RIBC2: variants seen among roughly 807,000 people sequenced by gnomAD.
The protein encoded by RIBC2 is RIB43A domain with coiled-coils 2, also known as RIB43A-like with coiled-coils protein 2.
In RIBC2, 40 loss-of-function variants were observed where a neutral mutation model predicts 44.3. The observed-to-expected ratio is 0.90, with a 90% CI of 0.70 to 1.18. The LOEUF (loss-of-function observed/expected upper bound fraction) is 1.18. RIBC2 is among the 50% of genes most tolerant of loss of function. The pLI is 0.00. For synonymous variants in RIBC2, 171 were observed against 175.0 expected, an observed-to-expected ratio of 0.98 and a Z score of 0.18; for missense variants, 459 against 485.5, an observed-to-expected ratio of 0.95 and a Z score of 0.51.
At chr22:45,425,149 A>C (rs1274266542) in intron 4 of RIBC2, among the ~76,000 whole-genome samples, 1 of 152,120 alleles carries the variant, frequency 6.6e-6, no homozygotes, top group African/African-American at 2.4e-5. Context: ...ACAAACAAAA[A>C]AAAACGGGTG....
chr22:45,418,910 C>T (rs752781141), intron 3 of RIBC2, among the ~76,000 whole-genome samples: 2 of 152,166 alleles, frequency 1.3e-5, no homozygotes, highest in Non-Finnish European at 2.9e-5. Flanking sequence ...ACCTCCATGT[C>T]GCCCAATCCA....
chr22:45,415,212 A>G (rs76473628), intron 2 of RIBC2, among the ~76,000 whole-genome samples: 1 of 151,960 alleles, frequency 6.6e-6, no homozygotes, highest in African/African-American at 2.4e-5. Flanking sequence ...AAAAAAAAAA[A>G]AAAGAAATTT....
At chr22:45,427,103 C>T (rs1008744698) in intron 5 of RIBC2, among the ~76,000 whole-genome samples, 21 of 152,190 alleles carry the variant, frequency 1.4e-4, no homozygotes, top group Non-Finnish European at 2.4e-4. Flanking sequence ...CATTAGATAT[C>T]TGTATCTATT....
intron 5 of RIBC2, among the ~76,000 whole-genome samples, chr22:45,427,083 G>T (rs755358105): frequency 7.2e-5 from 11 of 152,204 alleles, no homozygotes; most frequent in African/African-American, 2.7e-4. Context: ...TACGTCAAGT[G>T]TGCAAAGTCC....
intron 2 of RIBC2, 23 bp downstream of exon 2, chr22:45,414,426 T>A (rs1343630512): frequency 8.0e-6 from 12 of 1,500,222 alleles, no homozygotes; most frequent in Non-Finnish European, 1.1e-5. Flanking sequence ...TGAATGCTTA[T>A]CTATTGGTTT....
chr22:45,431,897 CA>C (rs1199078260), intron 6 of RIBC2, among the ~76,000 whole-genome samples: 3 of 152,180 alleles, frequency 2.0e-5, no homozygotes, highest in Non-Finnish European at 4.4e-5. Context: ...GGCCTGAGCC[CA>C]GGGGCTGGAG....
intron 5 of RIBC2, among the ~76,000 whole-genome samples, chr22:45,427,230 T>A (rs982803213): frequency 6.6e-6 from 1 of 152,256 alleles, no homozygotes; most frequent in Admixed American, 6.5e-5. Context: ...AGGGCTGGTA[T>A]GGCAGCTCTG....
At chr22:45,425,428 T>C (rs2087524992) in intron 4 of RIBC2, among the ~76,000 whole-genome samples, 1 of 152,204 alleles carries the variant, frequency 6.6e-6, no homozygotes, top group African/African-American at 2.4e-5. Context: ...TGACTTGGTA[T>C]AGGCCACATA....
chr22:45,414,210 T>G (rs1200279783), intron 1 of RIBC2, 112 bp from the exon 2 acceptor site: 15 of 1,484,524 alleles, frequency 1.0e-5, no homozygotes, highest in Non-Finnish European at 1.3e-5. Context: ...AGCCAGATTT[T>G]CTACAACTCG....
At chr22:45,429,044 C>T (rs1414800641) in intron 5 of RIBC2, among the ~76,000 whole-genome samples, 18 of 152,164 alleles carry the variant, frequency 1.2e-4, no homozygotes, top group Admixed American at 1.2e-3. Flanking sequence ...CTGGAGGTCA[C>T]ACTTTGCGGG....
chr22:45,421,547 A>ATAATAGTATTATTAT lies in RIBC2; in HGVS notation c.557-738_557-737insGTATTATTATTAATA, dbSNP rs1569208889. On this transcript the variant is annotated intron_variant, in intron 3 of 6. Coordinates refer to ENST00000614167, the MANE Select transcript of RIBC2 (RefSeq NM_015653.5). ...AATAATAGTATTATTAATAATATTA[A>ATAATAGTATTATTAT]TAATAATAATAGTATTATTAATAAT... is the stretch of plus-strand genomic sequence containing the variant. 1.4e-3 allele frequency among the ~76,000 whole-genome samples: 36 copies of ATAATAGTATTATTAT among 24,986 alleles called. 1 individual carries two copies. In the African/African-American group the frequency reaches 0.017, roughly 12 times the overall value. The allele number at this position is 24,986 out of a possible 152,430, so 16.4% of individuals were successfully genotyped here.
chr22:45,427,753 G>C (rs1308688937), intron 5 of RIBC2, among the ~76,000 whole-genome samples: 1 of 152,210 alleles, frequency 6.6e-6, no homozygotes, highest in Non-Finnish European at 1.5e-5. Context: ...TCCTGCCTCA[G>C]CCTCCCCAGT....
intron 4 of RIBC2, among the ~76,000 whole-genome samples, chr22:45,424,670 C>G (rs1297577314): frequency 6.6e-6 from 1 of 152,020 alleles, no homozygotes; most frequent in Admixed American, 6.6e-5. Flanking sequence ...AGGATCCCTG[C>G]AGGAGGAGGG....
intron 2 of RIBC2, among the ~76,000 whole-genome samples, chr22:45,417,332 G>A (rs2087434553): frequency 1.3e-5 from 2 of 152,070 alleles, no homozygotes; most frequent in South Asian, 4.1e-4. Flanking sequence ...TTTAATGGCT[G>A]TGTTACTTTT....
At chr22:45,419,315 A>G (rs1247606405) in intron 3 of RIBC2, among the ~76,000 whole-genome samples, 1 of 152,094 alleles carries the variant, frequency 6.6e-6, no homozygotes, top group Non-Finnish European at 1.5e-5. Context: ...TTCTACCCAC[A>G]TCCGTGACAG....
At position 45,431,050 on chromosome 22, in the gene RIBC2, A is replaced by G. The variant is rs1409856076; in HGVS notation, c.1054A>G (p.Lys352Glu). Residue 352 changes from lysine to glutamate, a missense_variant, in exon 6 of 7, where the codon AAG (lysine) becomes GAG (glutamate). Physicochemically the swap from Lys to Glu is moderately conservative, Grantham distance 56. Transcript: ENST00000614167. ...ALDSSNLSLA[K>E]EQHLQKKYMN... ...GGACAGCAGCAACCTCAGCCTGGCC[A>G]AGGAGCAGCATTTGCAGTGAGTGCT... 3 of 1,576,542 alleles carry G rather than the reference A, an allele frequency of 1.9e-6. No individual in the cohort carries two copies. Among genetic ancestry groups the G allele is most frequent in the South Asian group, 2.3e-5 (2 of 86,214 alleles).
At chr22:45,416,830 C>T (rs2087429513) in intron 2 of RIBC2, among the ~76,000 whole-genome samples, 1 of 151,662 alleles carries the variant, frequency 6.6e-6, no homozygotes, top group Non-Finnish European at 1.5e-5. Context: ...AATATTTTGC[C>T]TTCGATTCAT....
Position 45,417,640 on chromosome 22 carries a change from T to C in RIBC2, c.250T>C (p.Leu84=). ...MRQNDKIMCI[L]ENRKKRDRKN... ...GCAAAATGACAAAATCATGTGCATA[T>C]TGGAAAACCGGAAAAAGAGGGATAG... The change falls in exon 3 of 7, where the codon TTG becomes CTG. Residue 84 remains leucine (L), a synonymous_variant. Coordinates refer to ENST00000614167, the MANE Select transcript of RIBC2 (RefSeq NM_015653.5). 1 of 1,613,804 alleles carries C rather than the reference T, an allele frequency of 6.2e-7. No individual in the cohort carries two copies. Among genetic ancestry groups the C allele is most frequent in the Non-Finnish European group, 8.5e-7 (1 of 1,179,680 alleles).
chr22:45,416,264 AT>A (rs889174518), intron 2 of RIBC2, among the ~76,000 whole-genome samples: 18 of 146,866 alleles, frequency 1.2e-4, no homozygotes, highest in East Asian at 4.0e-4. Context: ...GCTGGTTTAG[AT>A]TTTTTTTTTT....
Sources: allele counts gnomAD v4.1 joint callset (sites outside exome capture counted in the v4.1 genomes callset), GRCh38; gene constraint gnomAD v4.1.1; transcripts MANE v1.5; gene names NCBI Gene and HGNC (gene_info 2026-07-23, HGNC 2026-07-21).